Variants in ITSN2 observed in about 807,000 individuals in gnomAD.
ITSN2 encodes the protein intersectin-2.
A neutral mutation model predicts 243.7 loss-of-function variants in ITSN2; 156 were observed. The observed-to-expected ratio is 0.64, with a 90% CI of 0.56 to 0.73. The LOEUF (loss-of-function observed/expected upper bound fraction) is 0.73. Ranked by LOEUF, ITSN2 falls within the 30% of genes least tolerant of loss-of-function variation. The probability of loss-of-function intolerance (pLI) is 0.00; values close to 1 mark genes in which losing one functional copy is unlikely to be tolerated. For synonymous variants in ITSN2, 703 were observed against 699.9 expected (o/e 1.00, Z -0.07); for missense variants, 1,801 against 1,996.1 (o/e 0.90, Z 1.86).
intron 2 of ITSN2, among the ~76,000 whole-genome samples, chr2:24,315,756 T>C (rs528124553): frequency 2.0e-5 from 3 of 151,196 alleles, no homozygotes; most frequent in East Asian, 1.9e-4. Flanking sequence ...AGTGTGGCAC[T>C]TCCCCCCTTG....
intron 20 of ITSN2, among the ~76,000 whole-genome samples, chr2:24,263,722 ACAGT>A (rs1676220495): frequency 6.6e-6 from 1 of 152,246 alleles, no homozygotes; most frequent in Non-Finnish European, 1.5e-5. Context: ...AGGCATCCAT[ACAGT>A]AAGAACAGTT....
intron 3 of ITSN2, among the ~76,000 whole-genome samples, chr2:24,314,627 C>G (rs1467208557): frequency 6.6e-6 from 1 of 152,090 alleles, no homozygotes; most frequent in Admixed American, 6.5e-5. Flanking sequence ...AAGCACTAAG[C>G]TACTTTGGCA....
intron 20 of ITSN2, among the ~76,000 whole-genome samples, chr2:24,264,010 A>G (rs1574067958): frequency 6.6e-6 from 1 of 152,186 alleles, no homozygotes; most frequent in South Asian, 2.1e-4. Context: ...TAATCCTTCC[A>G]TTTACAGTAC....
At chr2:24,276,959 A>T (rs1255844357) in intron 17 of ITSN2, among the ~76,000 whole-genome samples, 8 of 152,222 alleles carry the variant, frequency 5.3e-5, no homozygotes. Flanking sequence ...AGAGAAGTAC[A>T]GATTAGAGAC....
intron 18 of ITSN2, among the ~76,000 whole-genome samples, chr2:24,274,279 G>A (rs1677745801): frequency 6.6e-6 from 1 of 151,976 alleles, no homozygotes; most frequent in African/African-American, 2.4e-5. Flanking sequence ...CAAAAACAGG[G>A]GTCTAGATCA....
At chr2:24,303,476 T>C (rs1045182752) in intron 9 of ITSN2, among the ~76,000 whole-genome samples, 2 of 152,268 alleles carry the variant, frequency 1.3e-5, no homozygotes, top group African/African-American at 4.8e-5. Context: ...GTTTGTGTTT[T>C]AAGCTAAGTG....
intron 1 of ITSN2, chr2:24,330,776 T>C (rs1685701626): frequency 6.5e-6 from 3 of 458,956 alleles, no homozygotes; most frequent in Admixed American, 3.1e-5. Flanking sequence ...TTTTACTTTT[T>C]TTTTTTTTTA....
chr2:24,248,558 ATTTTATCTT>A lies in ITSN2; in HGVS notation c.3288+62_3288+70del. The A allele has an allele frequency of 2.2e-6, 3 of 1,346,650 alleles. No homozygotes were observed. In the East Asian group the frequency reaches 7.4e-5, roughly 33 times the overall value. The allele number at this position is 1,346,650 out of a possible 1,614,324, so 83.4% of individuals were successfully genotyped here. On this transcript the variant is annotated intron_variant, in intron 27 of 39. Transcript: ENST00000355123. ...ATGGGTGATCTAAAAATTTTTATTA[ATTTTATCTT>A]TTTTATGGAGCATGCAGTACTTTTA... is the stretch of plus-strand genomic sequence containing the variant.
At chr2:24,350,719 CTA>C (rs1162668429) in intron 1 of ITSN2, among the ~76,000 whole-genome samples, 2 of 152,124 alleles carry the variant, frequency 1.3e-5, no homozygotes, top group Admixed American at 6.5e-5. Flanking sequence ...CTTGAAAACA[CTA>C]TGGTAAGTAA....
Position 24,210,856 on chromosome 2 carries a change from T to A in ITSN2, c.4181A>T (p.Glu1394Val). 6.2e-7 allele frequency: 1 copy of A among 1,614,122 alleles called. No homozygotes were observed. Among genetic ancestry groups the A allele is most frequent in the Non-Finnish European group, 8.5e-7 (1 of 1,180,012 alleles). ...RAEELCSQVN[E>V]GVREKENSDR... ...CGAGTTTTCCTTCTCCCGAACTCCC[T>A]CATTCACTTGAGAGCACAGCTCCTC... Residue 1394 changes from glutamate to valine, a missense_variant, in exon 34 of 40, where the codon GAG becomes GTG. By Grantham distance (121) the Glu-to-Val change is moderately radical (BLOSUM62 -2). Transcript: ENST00000355123.
intron 8 of ITSN2, among the ~76,000 whole-genome samples, chr2:24,306,037 T>G (rs1422274369): frequency 6.6e-6 from 1 of 152,168 alleles, no homozygotes; most frequent in East Asian, 1.9e-4. Flanking sequence ...TGGAGTGCAG[T>G]GGCATGATCT....
intron 1 of ITSN2, among the ~76,000 whole-genome samples, chr2:24,337,149 T>C (rs892315931): frequency 6.7e-6 from 1 of 150,180 alleles, no homozygotes; most frequent in Non-Finnish European, 1.5e-5. Context: ...GGAAGGCGGC[T>C]CAGGTTTTTT....
At chr2:24,322,185 A>AC (rs1684645158) in intron 2 of ITSN2, among the ~76,000 whole-genome samples, 1 of 152,232 alleles carries the variant, frequency 6.6e-6, no homozygotes, top group Non-Finnish European at 1.5e-5. Context: ...ACACTTAATG[A>AC]AACTCACCCT....
chr2:24,304,714 C>T (rs371559190), intron 8 of ITSN2, among the ~76,000 whole-genome samples: 3 of 151,948 alleles, frequency 2.0e-5, no homozygotes, highest in African/African-American at 7.3e-5. Flanking sequence ...GAAAAAAGAT[C>T]CTTTTGGACT....
chr2:24,209,872 G>A lies in ITSN2; in HGVS notation c.4419C>T (p.Gly1473=), dbSNP rs139774396. ...ACTTCGAGCTGAAAAGTTTCTCAGA[G>A]CCAGAGGAAACAGCAAACTGCTTGA... The part of the protein sequence containing the change: ...YMVKQFAVSS[G]SEKLFSSKSN... Residue 1473 remains glycine (G), a synonymous_variant, in exon 35 of 40, where the codon GGC becomes GGT. Coordinates refer to ENST00000355123, the MANE Select transcript of ITSN2 (RefSeq NM_006277.3). 38 of 1,614,080 alleles carry A rather than the reference G, an allele frequency of 2.4e-5. No individual in the cohort carries two copies. In the African/African-American group the frequency reaches 2.5e-4, roughly 11 times the overall value.
At position 24,334,376 on chromosome 2, in the gene ITSN2, G is replaced by A. The variant is rs1022854675; in HGVS notation, c.-33-6261C>T. 1.7e-5 allele frequency: 6 copies of A among 363,374 alleles called. No homozygotes were observed. In the East Asian group the frequency reaches 3.3e-4, roughly 20 times the overall value. The allele number at this position is 363,374 out of a possible 1,614,324, so 22.5% of individuals were successfully genotyped here. A position where few individuals can be genotyped will look rare whatever the true frequency, so the allele number is the denominator to read the frequency against. On this transcript the variant is annotated intron_variant, in intron 1 of 39. Transcript: ENST00000355123. Reference sequence around the variant, plus strand: ...GCCCAGCCTGATTTTTGTATTTTTAGTAGAGATGGGGTTTCACCATCTTGG... The same window carrying A: ...GCCCAGCCTGATTTTTGTATTTTTAATAGAGATGGGGTTTCACCATCTTGG...
rs1395613779 is a variant in ITSN2, at chr2:24,334,067, TC to T, written c.-33-5953del. On this transcript the variant is annotated intron_variant, in intron 1 of 39. Transcript: ENST00000355123. ...ACCACACCTGGCTAATTTTTTTTTT[TC>T]TTTTTTTTGAGATGGAGTCTCCCTC... Among the ~76,000 whole-genome samples the T allele has an allele frequency of 7.1e-4, 107 of 150,784 alleles. 1 individual carries two copies. The highest frequency in any genetic ancestry group is 1.0e-3 in the African/African-American group (41 of 41,064).
At chr2:24,344,826 C>A (rs1407290465) in intron 1 of ITSN2, among the ~76,000 whole-genome samples, 1 of 152,130 alleles carries the variant, frequency 6.6e-6, no homozygotes, top group Admixed American at 6.6e-5. Context: ...GTGGCGGGCA[C>A]CTGTAATCTC....
chr2:24,278,210 C>T lies in ITSN2; in HGVS notation c.1945-2361G>A, dbSNP rs115726738. On this transcript the variant is annotated intron_variant, in intron 17 of 39. Transcript: ENST00000355123. ...CCTTTAAAATAGAGCTCTAAGTATT[C>T]CTTTACTAACCCTATTCCCTGCAGT... Among the ~76,000 whole-genome samples the T allele has an allele frequency of 7.6e-3, 1,154 of 152,242 alleles. 11 individuals carry two copies. The highest frequency in any genetic ancestry group is 0.012 in the Non-Finnish European group (823 of 68,020).
Sources: gnomAD v4.1 joint callset for allele counts (sites outside exome capture counted in the v4.1 genomes callset) on GRCh38, gnomAD v4.1.1 for gene constraint, MANE v1.5 for transcripts, NCBI Gene and HGNC (gene_info 2026-07-23, HGNC 2026-07-21) for gene names.